Variants in ABCB5 observed in about 807,000 individuals in gnomAD.
ABCB5 encodes the protein ATP-binding cassette sub-family B member 5.
In ABCB5, 155 loss-of-function variants were observed where a neutral mutation model predicts 144.2. That is an observed-to-expected ratio of 1.08 (90% CI 0.94 to 1.23). ABCB5 has a LOEUF of 1.23. Ranked by LOEUF, ABCB5 falls within the 50% of genes most tolerant of loss-of-function variation. ABCB5 has a pLI of 0.00. For synonymous variants in ABCB5, 610 were observed against 528.6 expected (o/e 1.15, Z -2.11); for missense variants, 1,830 against 1,520.8 (o/e 1.20, Z -3.38).
chr7:20,673,958 T>C (rs1217046091), intron 14 of ABCB5, among the ~76,000 whole-genome samples: 3 of 151,974 alleles, frequency 2.0e-5, no homozygotes, highest in Admixed American at 6.5e-5. Context: ...CTTTAGAGTT[T>C]ATGGTGTACA....
intron 23 of ABCB5, among the ~76,000 whole-genome samples, chr7:20,730,692 A>C (rs1486821075): frequency 6.6e-6 from 1 of 152,132 alleles, no homozygotes; most frequent in East Asian, 1.9e-4. Flanking sequence ...ACAAAATCTG[A>C]AATCACATAA....
intron 25 of ABCB5, among the ~76,000 whole-genome samples, chr7:20,744,868 G>A (rs937965830): frequency 2.0e-5 from 3 of 152,120 alleles, no homozygotes; most frequent in African/African-American, 4.8e-5. Flanking sequence ...CTCACGTAGT[G>A]AGCATGCTCA....
intron 16 of ABCB5, among the ~76,000 whole-genome samples, chr7:20,692,567 A>C (rs995726436): frequency 6.6e-6 from 1 of 151,768 alleles, no homozygotes; most frequent in African/African-American, 2.4e-5. Flanking sequence ...TATCAGTAAT[A>C]GTAAATATAC....
intron 25 of ABCB5, among the ~76,000 whole-genome samples, chr7:20,744,978 T>C (rs968104165): frequency 6.6e-6 from 1 of 152,150 alleles, no homozygotes; most frequent in Non-Finnish European, 1.5e-5. Flanking sequence ...GAGTACTGTA[T>C]CATCTCCACC....
intron 26 of ABCB5, among the ~76,000 whole-genome samples, chr7:20,749,708 G>A (rs1278928580): frequency 6.6e-6 from 1 of 152,164 alleles, no homozygotes; most frequent in Admixed American, 6.5e-5. Context: ...ATAGTGCACA[G>A]AAGGTAAACA....
intron 26 of ABCB5, among the ~76,000 whole-genome samples, chr7:20,746,491 C>A (rs1738797261): frequency 6.6e-6 from 1 of 152,212 alleles, no homozygotes; most frequent in Admixed American, 6.5e-5. Flanking sequence ...CAGTCCTATC[C>A]CCTATCACTT....
intron 14 of ABCB5, among the ~76,000 whole-genome samples, chr7:20,675,985 T>G (rs1308530166): frequency 6.6e-6 from 1 of 151,758 alleles, no homozygotes; most frequent in African/African-American, 2.4e-5. Flanking sequence ...TCACACCTAT[T>G]AGGATGACTA....
chr7:20,743,214 C>A (rs897207458), intron 25 of ABCB5, 140 bp downstream of exon 25: 1 of 856,682 alleles, frequency 1.2e-6, no homozygotes, highest in Non-Finnish European at 1.8e-6. Flanking sequence ...CTGTGTCAAC[C>A]CTTAACTAAG....
chr7:20,666,359 A>C (rs1267683786), intron 14 of ABCB5, among the ~76,000 whole-genome samples: 9 of 152,108 alleles, frequency 5.9e-5, no homozygotes, highest in Admixed American at 4.6e-4. Flanking sequence ...GCTTTCCCAG[A>C]AACTGTGTTA....
chr7:20,669,672 C>T (rs1380485073), intron 14 of ABCB5, among the ~76,000 whole-genome samples: 3 of 134,482 alleles, frequency 2.2e-5, no homozygotes, highest in Non-Finnish European at 4.6e-5. Flanking sequence ...CCACTATTGT[C>T]CTATGACCCT....
chr7:20,631,186 G>A (rs1784030426), intron 4 of ABCB5, among the ~76,000 whole-genome samples: 1 of 152,016 alleles, frequency 6.6e-6, no homozygotes, highest in Non-Finnish European at 1.5e-5. Context: ...ATTTTTATAA[G>A]ACTGCAGGAA....
chr7:20,704,075 C>CTTTTTTTTT (rs71020669), intron 19 of ABCB5, among the ~76,000 whole-genome samples: 4,479 of 79,976 alleles, frequency 0.056, 873 homozygotes, highest in African/African-American at 0.13. Context: ...TATTGCCTTC[C>CTTTTTTTTT]TTTTTTTTTT....
At chr7:20,743,596 T>C (rs956016667) in intron 25 of ABCB5, among the ~76,000 whole-genome samples, 3 of 152,160 alleles carry the variant, frequency 2.0e-5, no homozygotes, top group African/African-American at 7.2e-5. Flanking sequence ...ATTGTTTTTC[T>C]TACCTGGCAC....
intron 14 of ABCB5, among the ~76,000 whole-genome samples, chr7:20,664,697 C>G (rs1785115835): frequency 1.1e-5 from 1 of 91,332 alleles, no homozygotes; most frequent in Admixed American, 1.0e-4. Context: ...AGCATTTTCT[C>G]TTCTTACCCA....
In ABCB5 at chr7:20,711,790, T is replaced by TTCTCTCTCTCTCTC. The variant is rs1334192971; in HGVS notation, c.2421+6986_2421+6987insCTCTCTCTCTCTCT. ...CCTTTCCTTCTTTCTCTTTCTTTCT[T>TTCTCTCTCTCTCTC]TCTTTCTTTCTTTCTTTCTTTCTTT... On this transcript the variant is annotated intron_variant, in intron 20 of 27. Transcript: ENST00000404938. 1.4e-3 allele frequency among the ~76,000 whole-genome samples: 63 copies of TTCTCTCTCTCTCTC among 46,050 alleles called. 6 individuals are homozygous for TTCTCTCTCTCTCTC. Among genetic ancestry groups the TTCTCTCTCTCTCTC allele is most frequent in the East Asian group, 0.013 (18 of 1,378 alleles). 30.2% of individuals were successfully genotyped at this position (46,050 alleles called of 152,430 possible). A position where few individuals can be genotyped will look rare whatever the true frequency, so the allele number is the denominator to read the frequency against.
intron 20 of ABCB5, among the ~76,000 whole-genome samples, chr7:20,709,940 T>C (rs1193985906): frequency 6.8e-6 from 1 of 147,970 alleles, no homozygotes; most frequent in Non-Finnish European, 1.5e-5. Context: ...CTGGGTGTGG[T>C]GGTGGGTGCC....
chr7:20,659,324 A>G, intron 14 of ABCB5: 2 of 1,399,710 alleles, frequency 1.4e-6, no homozygotes, highest in South Asian at 1.7e-5. Context: ...CTTATAAACC[A>G]GAGCCTTCAG....
chr7:20,634,030 C>G (rs1784096298), intron 5 of ABCB5, among the ~76,000 whole-genome samples: 2 of 152,076 alleles, frequency 1.3e-5, no homozygotes, highest in Non-Finnish European at 2.9e-5. Flanking sequence ...TTTACCCTTT[C>G]AGCCTCTGAG....
intron 24 of ABCB5, 147 bp downstream of exon 24, chr7:20,739,286 A>AT: frequency 1.4e-6 from 1 of 723,834 alleles, no homozygotes; most frequent in Non-Finnish European, 2.0e-6. Context: ...AAGATCATTC[A>AT]TACCCCAAAC....
Sources: gnomAD v4.1 joint callset for allele counts (sites outside exome capture counted in the v4.1 genomes callset) on GRCh38, gnomAD v4.1.1 for gene constraint, MANE v1.5 for transcripts, NCBI Gene and HGNC (gene_info 2026-07-23, HGNC 2026-07-21) for gene names.